Variants in PRDM10 observed in about 807,000 individuals in gnomAD.
The protein encoded by PRDM10 is PR domain zinc finger protein 10.
In PRDM10, 65 loss-of-function variants were observed where a neutral mutation model predicts 133.1. The ratio of observed to expected loss-of-function variants is 0.49; its 90% CI spans 0.40 to 0.60. The LOEUF is 0.60. Among genes scored for constraint, PRDM10 ranks in the 20% least tolerant of loss-of-function variants. The pLI is 0.00. For missense variants in PRDM10, 1,137 were observed against 1,507.1 expected (o/e 0.75, Z 4.07); for synonymous variants, 582 against 580.4 (o/e 1.00, Z -0.04).
At chr11:129,908,803 G>A (rs1401228008) in intron 19 of PRDM10, among the ~76,000 whole-genome samples, 1 of 151,364 alleles carries the variant, frequency 6.6e-6, no homozygotes, top group Non-Finnish European at 1.5e-5. Context: ...GTCTCACTCT[G>A]TCACCCAGGC....
At chr11:129,971,643 G>C (rs1161238130) in intron 1 of PRDM10, among the ~76,000 whole-genome samples, 3 of 131,844 alleles carry the variant, frequency 2.3e-5, no homozygotes, top group Middle Eastern at 3.3e-3. Context: ...TAGATACAGA[G>C]TGTCGATTGG....
intron 4 of PRDM10, among the ~76,000 whole-genome samples, chr11:129,955,077 C>T (rs556222733): frequency 6.6e-6 from 1 of 152,152 alleles, no homozygotes; most frequent in South Asian, 2.1e-4. Context: ...TAAAAGAAAA[C>T]CAAGAAGAAC....
intron 13 of PRDM10, among the ~76,000 whole-genome samples, chr11:129,920,936 AAC>A (rs1950506120): frequency 6.6e-6 from 1 of 151,990 alleles, no homozygotes; most frequent in Admixed American, 6.6e-5. Context: ...TAGCTGGGAT[AAC>A]AGTCATGCAC....
rs114350893 is a variant in PRDM10 at position 129,972,950 on chromosome 11, T to A, written c.-118-11868A>T. On this transcript the variant is annotated intron_variant, in intron 1 of 20. Transcript: ENST00000360871. ...CAAAAACCCAGGCCTTTGAAGGTGG[T>A]CCCCTGGCAAGAGACGAGCCCTCCC... Among the ~76,000 whole-genome samples the A allele has an allele frequency of 1.9e-3, 286 of 152,300 alleles. 1 individual carries two copies. The highest frequency in any genetic ancestry group is 6.2e-3 in the African/African-American group (259 of 41,556).
At chr11:129,977,417 G>A (rs1205844416) in intron 1 of PRDM10, among the ~76,000 whole-genome samples, 2 of 152,018 alleles carry the variant, frequency 1.3e-5, no homozygotes, top group Non-Finnish European at 2.9e-5. Context: ...CCCAGTAGCT[G>A]GGATTACACA....
At chr11:129,928,842 C>T (rs930253109) in intron 11 of PRDM10, among the ~76,000 whole-genome samples, 23 of 152,176 alleles carry the variant, frequency 1.5e-4, no homozygotes, top group Admixed American at 2.0e-4. Flanking sequence ...CTGCACTGTC[C>T]CAACCACAGC....
rs113169112 is a variant in PRDM10 at position 129,910,533 on chromosome 11, TCTGCTGCTG to T, written c.3097_3105del (p.Gln1033_Gln1035del). 5.7e-5 allele frequency: 92 copies of T among 1,612,512 alleles called. No homozygotes were observed. Among genetic ancestry groups the T allele is most frequent in the African/African-American group, 3.3e-4 (25 of 74,944 alleles). ...AGGTACGTGTGCTGCACAGAGGAAT[TCTGCTGCTG>T]CTGCTGCTGCTGCTGCAGAGCCTGC... On this transcript the variant is annotated inframe_deletion, in exon 19 of 21. Coordinates refer to ENST00000360871, the MANE Select transcript of PRDM10 (RefSeq NM_199437.2).
chr11:130,002,514 G>T (rs1400722070), intron 1 of PRDM10, among the ~76,000 whole-genome samples: 2 of 152,022 alleles, frequency 1.3e-5, no homozygotes, highest in African/African-American at 2.4e-5. Context: ...ACCATCGGGC[G>T]GTGCCGCCGG....
intron 1 of PRDM10, among the ~76,000 whole-genome samples, chr11:129,961,452 G>A (rs972063226): frequency 1.3e-5 from 2 of 152,046 alleles, no homozygotes; most frequent in Non-Finnish European, 2.9e-5. Context: ...CTACGGGCAC[G>A]AGCAACCATG....
intron 20 of PRDM10, among the ~76,000 whole-genome samples, chr11:129,904,680 A>G (rs1949957585): frequency 6.6e-6 from 1 of 152,142 alleles, no homozygotes; most frequent in Non-Finnish European, 1.5e-5. Context: ...TTGTATTTTT[A>G]GTAGAGGCAG....
At chr11:129,904,230 A>T (rs1421961684) in intron 20 of PRDM10, among the ~76,000 whole-genome samples, 1 of 151,376 alleles carries the variant, frequency 6.6e-6, no homozygotes, top group Admixed American at 6.6e-5. Context: ...ACCCTCTGAA[A>T]CCTCTTAAGA....
rs1951380616 is a variant in PRDM10, at chr11:129,945,614, C to A, written c.521-602G>T. Among the ~76,000 whole-genome samples, 1 of 152,192 alleles carries A rather than the reference C, an allele frequency of 6.6e-6. No individual in the cohort carries two copies. Among genetic ancestry groups the A allele is most frequent in the Non-Finnish European group, 1.5e-5 (1 of 68,040 alleles). ...CCTTCCTTCATTCACTGGGATGACA[C>A]AACATTTTCCGCCCATTCCAAGAGC... On this transcript the variant is annotated intron_variant, in intron 5 of 20. Transcript: ENST00000360871. The surrounding 1 kb of genome is among the most constrained non-coding windows in gnomAD (Gnocchi z 4.2).
At chr11:129,995,619 T>C (rs76983574) in intron 1 of PRDM10, among the ~76,000 whole-genome samples, 1,545 of 152,108 alleles carry the variant, frequency 0.01, 31 homozygotes, top group African/African-American at 0.035. Flanking sequence ...ATGGTAGAAT[T>C]TGCACACAAA....
At chr11:129,929,716 C>G (rs1329110092) in intron 11 of PRDM10, among the ~76,000 whole-genome samples, 1 of 148,754 alleles carries the variant, frequency 6.7e-6, no homozygotes, top group Non-Finnish European at 1.5e-5. Context: ...GCATCCACAA[C>G]TTCACTGCAT....
At chr11:129,982,777 C>T (rs1311583933) in intron 1 of PRDM10, among the ~76,000 whole-genome samples, 2 of 151,918 alleles carry the variant, frequency 1.3e-5, no homozygotes, top group Non-Finnish European at 2.9e-5. Context: ...ATGGCAAGAC[C>T]TCCCCCCAAC....
intron 11 of PRDM10, among the ~76,000 whole-genome samples, chr11:129,927,238 C>CCA (rs1950711827): frequency 6.8e-6 from 1 of 147,294 alleles, no homozygotes; most frequent in Admixed American, 6.9e-5. Context: ...CTCAAATCAG[C>CCA]CACAGGGCTT....
At chr11:129,987,369 T>C (rs1288671398) in intron 1 of PRDM10, among the ~76,000 whole-genome samples, 1 of 152,190 alleles carries the variant, frequency 6.6e-6, no homozygotes, top group East Asian at 1.9e-4. Flanking sequence ...AATTCTGATA[T>C]GGCAACAGAT....
Position 129,947,667 on chromosome 11 carries a change from G to T in PRDM10, c.295-297C>A. The T allele has an allele frequency of 2.4e-6, 2 of 833,200 alleles. No individual in the cohort carries two copies. Among genetic ancestry groups the T allele is most frequent in the Non-Finnish European group, 3.5e-6 (2 of 571,952 alleles). The allele number at this position is 833,200 out of a possible 1,614,324, so 51.6% of individuals were successfully genotyped here. A position where few individuals can be genotyped will look rare whatever the true frequency, so the allele number is the denominator to read the frequency against. On this transcript the variant is annotated intron_variant, in intron 4 of 20. Transcript: ENST00000360871. This position sits in a 1 kb window ranked among gnomAD's most constrained non-coding sequence, Gnocchi z 4.6. ...TCCCTCCTTTGGCAGCAGTGGGAGA[G>T]TCAACACTGGCAAGGCCCTGACCAC...
intron 7 of PRDM10, among the ~76,000 whole-genome samples, chr11:129,938,924 G>A (rs935437984): frequency 6.6e-6 from 1 of 152,174 alleles, no homozygotes; most frequent in African/African-American, 2.4e-5. Flanking sequence ...CATGCCAAGT[G>A]CTTCACCATC....
Sources: gnomAD v4.1 joint callset for allele counts (sites outside exome capture counted in the v4.1 genomes callset) on GRCh38, gnomAD v4.1.1 for gene constraint, Gnocchi (gnomAD v3.1) non-coding constraint, MANE v1.5 for transcripts, NCBI Gene and HGNC (gene_info 2026-07-23, HGNC 2026-07-21) for gene names.